The following LRRC38 variants were observed in gnomAD, a reference collection of about 807,000 sequenced individuals.
LRRC38 encodes leucine-rich repeat-containing protein 38.
In LRRC38, 5 loss-of-function variants were observed where a neutral mutation model predicts 16.4. The ratio of observed to expected loss-of-function variants is 0.31; its 90% CI spans 0.16 to 0.64. The LOEUF is 0.64. LRRC38 is among the 30% of genes least tolerant of loss of function. The probability of loss-of-function intolerance (pLI) is 0.80; values close to 1 mark genes in which losing one functional copy is unlikely to be tolerated. For synonymous variants in LRRC38, 191 were observed against 190.2 expected, an observed-to-expected ratio of 1.00 and a Z score of -0.04; for missense variants, 341 against 401.8, an observed-to-expected ratio of 0.85 and a Z score of 1.29.
intron 1 of LRRC38, among the ~76,000 whole-genome samples, chr1:13,481,392 T>TA (rs1553134529): frequency 0.033 from 3,888 of 119,344 alleles, 63 homozygotes; most frequent in Non-Finnish European, 0.048. Flanking sequence ...TTTATTTTTT[T>TA]TTTTTTGTTC....
intron 1 of LRRC38, among the ~76,000 whole-genome samples, chr1:13,500,656 CGACCACCTTAGGCCCATGTCTTCAG>C (rs1391016672): frequency 2.0e-5 from 3 of 152,162 alleles, no homozygotes; most frequent in Non-Finnish European, 2.9e-5. Context: ...AGCTGTGCCC[CGACCACCTTAGGCCCATGTCTTCAG>C]GACCTCCTGA....
At chr1:13,496,689 T>TCCTAGCA (rs1246900271) in intron 1 of LRRC38, among the ~76,000 whole-genome samples, 1 of 152,004 alleles carries the variant, frequency 6.6e-6, no homozygotes, top group African/African-American at 2.4e-5. Flanking sequence ...GCGAGCACAG[T>TCCTAGCA]CCTAGCACTG....
intron 1 of LRRC38, among the ~76,000 whole-genome samples, chr1:13,493,577 G>T (rs1014442902): frequency 6.6e-6 from 1 of 152,188 alleles, no homozygotes; most frequent in Non-Finnish European, 1.5e-5. Context: ...GGGATGGGGG[G>T]ATTATCCTGG....
At chr1:13,490,088 A>G (rs984422019) in intron 1 of LRRC38, among the ~76,000 whole-genome samples, 3 of 152,178 alleles carry the variant, frequency 2.0e-5, no homozygotes, top group African/African-American at 7.2e-5. Flanking sequence ...CTGACTGTTC[A>G]TGTGATTTTT....
At chr1:13,481,802 T>TCC in intron 1 of LRRC38, among the ~76,000 whole-genome samples, 1 of 138,000 alleles carries the variant, frequency 7.2e-6, no homozygotes. Context: ...TCTCTCTCTC[T>TCC]CTCTCTCTCT....
chr1:13,476,142 C>T (rs1301677001), intron 1 of LRRC38, 43 bp from the exon 2 acceptor site: 1 of 1,537,040 alleles, frequency 6.5e-7, no homozygotes, highest in Admixed American at 2.0e-5. Context: ...TAGACTGCAG[C>T]TCAAGGTTGC....
Position 13,513,689 on chromosome 1 carries a change from CGGGGAGCCAGAGGGCGGCCCGGG to C in LRRC38, c.-119_-97del. 1 of 875,932 alleles carries C rather than the reference CGGGGAGCCAGAGGGCGGCCCGGG, an allele frequency of 1.1e-6. No homozygotes were observed. Among genetic ancestry groups the C allele is most frequent in the South Asian group, 5.2e-5 (1 of 19,382 alleles). 54.3% of individuals were successfully genotyped at this position (875,932 alleles called of 1,614,324 possible). On this transcript the variant is annotated 5_prime_UTR_variant, in exon 1 of 2. Transcript: ENST00000376085. ...GCGGTGAGGCACTGGCTGCCGGGCG[CGGGGAGCCAGAGGGCGGCCCGGG>C]CGGGGAGGGCGTGCGCCCGGGCGTG...
In LRRC38 at chr1:13,513,725, G is replaced by A. The variant is rs530997319; in HGVS notation, c.-132C>T. 8.5e-6 allele frequency: 3 copies of A among 353,378 alleles called. No homozygotes were observed. Among genetic ancestry groups the A allele is most frequent in the South Asian group, 2.2e-4 (2 of 9,148 alleles). The allele number at this position is 353,378 out of a possible 1,614,324, so 21.9% of individuals were successfully genotyped here. ...AGGGCGGCCCGGGCGGGGAGGGCGT[G>A]CGCCCGGGCGTGCGGGGGCGATGGA... On this transcript the variant is annotated 5_prime_UTR_variant, in exon 1 of 2. Coordinates refer to ENST00000376085, the MANE Select transcript of LRRC38 (RefSeq NM_001010847.2).
chr1:13,503,266 T>TTTTA (rs763631336), intron 1 of LRRC38, among the ~76,000 whole-genome samples: 2 of 138,100 alleles, frequency 1.4e-5, no homozygotes, highest in East Asian at 3.9e-4. Context: ...TTTATTTTGT[T>TTTTA]TTTATTTATT....
chr1:13,495,363 C>CAAGGAT, intron 1 of LRRC38, among the ~76,000 whole-genome samples: 1 of 152,092 alleles, frequency 6.6e-6, no homozygotes, highest in South Asian at 2.1e-4. Context: ...CAGTTTCTGA[C>CAAGGAT]AAGGATCCGT....
intron 1 of LRRC38, among the ~76,000 whole-genome samples, chr1:13,481,772 CCTCTCTCCCTCTCTCCCTCT>C (rs1314731831): frequency 0.045 from 1,348 of 30,018 alleles, 11 homozygotes; most frequent in South Asian, 0.095. Context: ...CCTCTCTCTC[CCTCTCTCCCTCTCTCCCTCT>C]CTCTCTCTCT....
chr1:13,509,658 C>T (rs926126055), intron 1 of LRRC38, among the ~76,000 whole-genome samples: 3 of 152,152 alleles, frequency 2.0e-5, no homozygotes, highest in Non-Finnish European at 2.9e-5. Context: ...TTGGAGGTCA[C>T]GTGCCTCCCC....
chr1:13,512,921 G>GCCCCCCGCCC, intron 1 of LRRC38, 42 bp downstream of exon 1: 3 of 1,246,172 alleles, frequency 2.4e-6, no homozygotes, highest in Non-Finnish European at 2.2e-6. Context: ...GCCTCTCCCT[G>GCCCCCCGCCC]CCCCCCTCCC....
intron 1 of LRRC38, among the ~76,000 whole-genome samples, chr1:13,497,396 C>T (rs1053577190): frequency 6.6e-6 from 1 of 152,142 alleles, no homozygotes; most frequent in Non-Finnish European, 1.5e-5. Context: ...GAAGACACTA[C>T]TTTTGGGTTC....
intron 1 of LRRC38, among the ~76,000 whole-genome samples, chr1:13,498,629 T>C (rs959156734): frequency 7.2e-5 from 11 of 152,042 alleles, no homozygotes; most frequent in Admixed American, 1.3e-4. Flanking sequence ...AGACTCTGTC[T>C]CAAAAAACAA....
chr1:13,507,665 C>G (rs1453829385), intron 1 of LRRC38, among the ~76,000 whole-genome samples: 1 of 152,040 alleles, frequency 6.6e-6, no homozygotes, highest in Non-Finnish European at 1.5e-5. Context: ...AACCCCATCT[C>G]TACTAAAAAT....
At chr1:13,488,859 G>A (rs1056901218) in intron 1 of LRRC38, among the ~76,000 whole-genome samples, 5 of 152,130 alleles carry the variant, frequency 3.3e-5, no homozygotes, top group East Asian at 1.9e-4. Context: ...GCCGTCGTGC[G>A]AAGGGGGGAT....
Position 13,513,419 on chromosome 1 carries a change from G to A in LRRC38, c.175C>T (p.Arg59Cys), listed in dbSNP as rs775910726. The A allele has an allele frequency of 8.8e-5, 136 of 1,550,292 alleles. No homozygotes were observed. Among genetic ancestry groups the A allele is most frequent in the Middle Eastern group, 1.7e-4 (1 of 6,016 alleles). ...SVPDPFPLDV[R>C]KLLVAGNRIQ... ...CGGTTGCCGGCCACCAGCAGCTTGC[G>A]CACGTCCAGGGGGAAAGGGTCTGGC... is the stretch of plus-strand genomic sequence containing the variant. The change falls in exon 1 of 2, where the codon CGC (arginine) becomes TGC (cysteine). Residue 59 changes from arginine (R) to cysteine (C), a missense_variant. Transcript: ENST00000376085.
At chr1:13,478,063 G>C (rs1403035613) in intron 1 of LRRC38, among the ~76,000 whole-genome samples, 1 of 152,172 alleles carries the variant, frequency 6.6e-6, no homozygotes, top group Non-Finnish European at 1.5e-5. Context: ...AGCTGCTAAA[G>C]ACTGTTTGTT....
Sources: allele counts gnomAD v4.1 joint callset (sites outside exome capture counted in the v4.1 genomes callset), GRCh38; gene constraint gnomAD v4.1.1; transcripts MANE v1.5; gene names NCBI Gene and HGNC (gene_info 2026-07-23, HGNC 2026-07-21).